Variants in GPHN observed in about 807,000 individuals in gnomAD.
The protein encoded by GPHN is gephyrin.
GPHN carries 17 observed loss-of-function variants against 95.5 expected under a neutral mutation model. The ratio of observed to expected loss-of-function variants is 0.18; its 90% CI spans 0.12 to 0.27. The LOEUF is 0.27. Ranked by LOEUF, GPHN falls within the 10% of genes least tolerant of loss-of-function variation. The probability of loss-of-function intolerance (pLI) is 1.00; values close to 1 mark genes in which losing one functional copy is unlikely to be tolerated. For missense variants in GPHN, 660 were observed against 978.1 expected (o/e 0.67, Z 4.34); for synonymous variants, 320 against 322.5 (o/e 0.99, Z 0.08).
At chr14:67,399,122 G>A in the GPHN span, among the ~76,000 whole-genome samples, 1 of 152,238 alleles carries the variant, frequency 6.6e-6, no homozygotes, top group Non-Finnish European at 1.5e-5. Context: ...GCCACTTACA[G>A]TCTCCCAGTG....
intron 4 of GPHN, among the ~76,000 whole-genome samples, chr14:66,829,184 T>C (rs1249383855): frequency 6.6e-6 from 1 of 150,638 alleles, no homozygotes; most frequent in East Asian, 2.0e-4. Flanking sequence ...ACCTTCCACG[T>C]TCAAGCAATT....
intron 4 of GPHN, among the ~76,000 whole-genome samples, chr14:66,857,604 C>A: frequency 6.6e-6 from 1 of 152,030 alleles, no homozygotes; most frequent in East Asian, 1.9e-4. Flanking sequence ...GCAAGTTGGC[C>A]AAATAAAAGG....
chr14:67,275,137 C>G, the GPHN span, among the ~76,000 whole-genome samples: 1 of 152,158 alleles, frequency 6.6e-6, no homozygotes, highest in Non-Finnish European at 1.5e-5. Flanking sequence ...ATTGCCTTGG[C>G]CAAAACTTCC....
At chr14:67,476,315 A>G in the GPHN span, among the ~76,000 whole-genome samples, 2 of 152,354 alleles carry the variant, frequency 1.3e-5, no homozygotes, top group East Asian at 3.9e-4. Flanking sequence ...GGCTGGGCGC[A>G]GTGGCTCACA....
chr14:67,220,844 A>G, the GPHN span, among the ~76,000 whole-genome samples: 3 of 152,238 alleles, frequency 2.0e-5, no homozygotes, highest in Non-Finnish European at 4.4e-5. Context: ...TTTAACATTT[A>G]CTTTCTGAAA....
intron 1 of GPHN, among the ~76,000 whole-genome samples, chr14:66,598,000 G>C (rs985692752): frequency 5.3e-5 from 8 of 152,140 alleles, no homozygotes; most frequent in African/African-American, 1.9e-4. Flanking sequence ...TCAACCTGTA[G>C]GACATTATGT....
intron 2 of GPHN, among the ~76,000 whole-genome samples, chr14:66,703,462 A>G (rs937516540): frequency 6.6e-6 from 1 of 152,222 alleles, no homozygotes; most frequent in African/African-American, 2.4e-5. Flanking sequence ...GAAACCCTAC[A>G]AGCCAGAAGA....
At chr14:67,473,848 T>A in the GPHN span, 3 of 1,613,138 alleles carry the variant, frequency 1.9e-6, no homozygotes, top group Non-Finnish European at 2.5e-6. This position sits in a 1 kb window ranked among gnomAD's most constrained non-coding sequence, Gnocchi z 6.5. Context: ...GCTGTGAACA[T>A]CACCTCGCAG....
the GPHN span, among the ~76,000 whole-genome samples, chr14:67,464,766 T>A: frequency 2.0e-5 from 3 of 152,204 alleles, no homozygotes; most frequent in African/African-American, 7.2e-5. Context: ...TGTATCACGA[T>A]CTGTTATTTT....
At chr14:67,723,581 C>T in the GPHN span, among the ~76,000 whole-genome samples, 1,147 of 152,282 alleles carry the variant, frequency 7.5e-3, 7 homozygotes, top group Non-Finnish European at 0.012. Flanking sequence ...CTACCAAGGA[C>T]AGTGTTATTC....
chr14:66,989,360 C>G (rs2071244758), intron 9 of GPHN, among the ~76,000 whole-genome samples: 1 of 151,914 alleles, frequency 6.6e-6, no homozygotes, highest in South Asian at 2.1e-4. Flanking sequence ...CTTTCCTAAT[C>G]AGTCATGAGA....
At chr14:67,302,175 C>G in the GPHN span, 2 of 1,498,690 alleles carry the variant, frequency 1.3e-6, no homozygotes, top group Non-Finnish European at 1.8e-6. Flanking sequence ...TTGTGTGCTT[C>G]AAAAGTCTGG....
At chr14:67,205,365 A>G in the GPHN span, among the ~76,000 whole-genome samples, 1 of 152,154 alleles carries the variant, frequency 6.6e-6, no homozygotes, top group Non-Finnish European at 1.5e-5. Flanking sequence ...ACCAAGTTAG[A>G]CTCTCAACCT....
intron 17 of GPHN, among the ~76,000 whole-genome samples, chr14:67,124,532 A>T (rs1340247047): frequency 1.3e-5 from 2 of 152,220 alleles, no homozygotes. Context: ...AAACTATCCT[A>T]TCCAGATACA....
chr14:66,981,071 G>A (rs1343889233), intron 9 of GPHN, among the ~76,000 whole-genome samples: 1 of 152,106 alleles, frequency 6.6e-6, no homozygotes, highest in Non-Finnish European at 1.5e-5. Flanking sequence ...ATTTCCTAAG[G>A]ATAAAAATAT....
chr14:67,175,627 A>G (rs969304121), intron 21 of GPHN, among the ~76,000 whole-genome samples: 7 of 152,182 alleles, frequency 4.6e-5, no homozygotes, highest in Non-Finnish European at 8.8e-5. Flanking sequence ...AGTCAGTGGT[A>G]GCTTTATGGG....
chr14:66,511,520 G>A (rs77869165), intron 1 of GPHN, among the ~76,000 whole-genome samples: 7 of 152,136 alleles, frequency 4.6e-5, no homozygotes, highest in African/African-American at 1.7e-4. Context: ...TTAGTATTTT[G>A]TGAAGTCATA....
intron 1 of GPHN, among the ~76,000 whole-genome samples, chr14:66,677,599 C>T (rs2066681063): frequency 1.3e-5 from 2 of 151,988 alleles, no homozygotes; most frequent in African/African-American, 4.8e-5. Flanking sequence ...CAAAGTTCCT[C>T]TTGTTACTAA....
chr14:67,548,156 A>G, the GPHN span, among the ~76,000 whole-genome samples: 1 of 152,248 alleles, frequency 6.6e-6, no homozygotes, highest in African/African-American at 2.4e-5. Context: ...CAATTTAAAA[A>G]TTGATACTGT....
Sources: gnomAD v4.1 joint callset for allele counts (sites outside exome capture counted in the v4.1 genomes callset) on GRCh38, gnomAD v4.1.1 for gene constraint, Gnocchi (gnomAD v3.1) non-coding constraint, MANE v1.5 for transcripts, NCBI Gene and HGNC (gene_info 2026-07-23, HGNC 2026-07-21) for gene names.